Variants in SPTBN2 observed in about 807,000 individuals in gnomAD.
SPTBN2 encodes the protein spectrin beta chain, non-erythrocytic 2.
SPTBN2 carries 107 observed loss-of-function variants against 284.2 expected under a neutral mutation model. The ratio of observed to expected loss-of-function variants is 0.38; its 90% CI spans 0.32 to 0.44. The LOEUF is 0.44. Ranked by LOEUF, SPTBN2 falls within the 20% of genes least tolerant of loss-of-function variation. SPTBN2 has a pLI of 1.00. For missense variants in SPTBN2, 2,569 were observed against 3,287.1 expected, an observed-to-expected ratio of 0.78 and a Z score of 5.34; for synonymous variants, 1,289 against 1,354.8, an observed-to-expected ratio of 0.95 and a Z score of 1.07.
Position 66,693,061 on chromosome 11 carries a change from C to T in SPTBN2, c.4894G>A (p.Val1632Met). 6.2e-7 allele frequency: 1 copy of T among 1,614,074 alleles called. No homozygotes were observed. Among genetic ancestry groups the T allele is most frequent in the Non-Finnish European group, 8.5e-7 (1 of 1,180,032 alleles). The change falls in exon 25 of 38, where the codon GTG becomes ATG. Residue 1632 changes from valine to methionine, a missense_variant. Coordinates refer to ENST00000533211, the MANE Select transcript of SPTBN2 (RefSeq NM_006946.4). This position sits in a 1 kb window ranked among gnomAD's most constrained non-coding sequence, Gnocchi z 5.7. ...SAQAEVKKHQ[V>M]LEQALADYAQ... ...TAGTCGGCCAGGGCTTGCTCCAGCA[C>T]CTGGTGCTTCTTCACCTCTGCCTGG...
intron 8 of SPTBN2, among the ~76,000 whole-genome samples, chr11:66,712,356 G>A (rs939292316): frequency 2.6e-5 from 4 of 152,216 alleles, no homozygotes; most frequent in African/African-American, 4.8e-5. Context: ...AGACCAGCCT[G>A]ACCAACATGG....
At position 66,688,227 on chromosome 11, in the gene SPTBN2, T is replaced by C. The variant is rs765304605; in HGVS notation, c.6316A>G (p.Ser2106Gly). ...KQPPAPEPTA[S>G]VPPGDLVGGQ... is the part of the protein sequence containing the mutation. ...CCCACCAGGTCCCCTGGAGGCACAC[T>C]GGCTGTGGGTTCGGGAGCAGGCGGC... is the stretch of plus-strand genomic sequence containing the variant. The change falls in exon 32 of 38, where the codon AGT (serine) becomes GGT (glycine). Residue 2106 changes from serine (S) to glycine (G), a missense_variant. By Grantham distance (56) the Ser-to-Gly change is moderately conservative. This residue lies in a region of SPTBN2 where 1,130 missense variants were observed against 1,317.3 expected (regional missense o/e 0.86). Coordinates refer to ENST00000533211, the MANE Select transcript of SPTBN2 (RefSeq NM_006946.4). The C allele has an allele frequency of 6.2e-7, 1 of 1,613,674 alleles. No homozygotes were observed. The highest frequency in any genetic ancestry group is 1.1e-5 in the South Asian group (1 of 91,088).
At chr11:66,703,503 C>T (rs1324839862) in intron 15 of SPTBN2, among the ~76,000 whole-genome samples, 2 of 152,036 alleles carry the variant, frequency 1.3e-5, no homozygotes, top group Non-Finnish European at 2.9e-5. Flanking sequence ...GAGGCCAAGC[C>T]GGGTGGATCA....
rs922547110 is a variant in SPTBN2 at position 66,687,727 on chromosome 11, A to T, written c.6502-80T>A. On this transcript the variant is annotated intron_variant, in intron 34 of 37. Coordinates refer to ENST00000533211, the MANE Select transcript of SPTBN2 (RefSeq NM_006946.4). The surrounding 1 kb of genome is among the most constrained non-coding windows in gnomAD (Gnocchi z 5.2). ...GGTGCCAGGAAGCTCCGTGTCCAGG[A>T]GTTGGTCTTCCTGCCCCCAAGCTGC... 1.1e-5 allele frequency: 17 copies of T among 1,581,438 alleles called. No homozygotes were observed. In the African/African-American group the frequency reaches 2.0e-4, roughly 19 times the overall value.
intron 3 of SPTBN2, among the ~76,000 whole-genome samples, chr11:66,719,860 C>T (rs753299714): frequency 7.9e-5 from 12 of 152,182 alleles, no homozygotes; most frequent in Non-Finnish European, 1.8e-4. Context: ...TAACCCACAC[C>T]TTCTGTCTTC....
Position 66,715,251 on chromosome 11 carries a change from G to A in SPTBN2, c.454C>T (p.Leu152=). 1 of 1,614,226 alleles carries A rather than the reference G, an allele frequency of 6.2e-7. No individual in the cohort carries two copies. The highest frequency in any genetic ancestry group is 8.5e-7 in the Non-Finnish European group (1 of 1,180,044). The part of the protein sequence containing the change: ...VDGNHRLTLG[L]VWTIILRFQI... ...AATCGAAGGATGATGGTCCAGACCA[G>A]CCCAAGGGTCAGTCGGTGGTTTCCG... is the stretch of plus-strand genomic sequence containing the variant. The change falls in exon 5 of 38, where the codon CTG becomes TTG. Residue 152 remains leucine (L), a synonymous_variant. Transcript: ENST00000533211. The surrounding 1 kb of genome is among the most constrained non-coding windows in gnomAD (Gnocchi z 5.3).
In SPTBN2 at chr11:66,715,695, G is replaced by T; in HGVS notation, c.309+135C>A. 2 of 1,271,470 alleles carry T rather than the reference G, an allele frequency of 1.6e-6. No homozygotes were observed. The highest frequency in any genetic ancestry group is 2.2e-6 in the Non-Finnish European group (2 of 903,014). 78.8% of individuals were successfully genotyped at this position (1,271,470 alleles called of 1,614,324 possible). ...TCTAAGTGGCAAAGGCACTTGAAATGAACCCATCCTCTGAGCAGAGGGAGC... is the reference window on the plus strand; with the variant it reads ...TCTAAGTGGCAAAGGCACTTGAAATTAACCCATCCTCTGAGCAGAGGGAGC... On this transcript the variant is annotated intron_variant, in intron 4 of 37. Coordinates refer to ENST00000533211, the MANE Select transcript of SPTBN2 (RefSeq NM_006946.4). The surrounding 1 kb of genome is among the most constrained non-coding windows in gnomAD (Gnocchi z 5.3).
upstream of SPTBN2, among the ~76,000 whole-genome samples, chr11:66,729,715 T>C (rs1942768619): frequency 6.6e-6 from 1 of 152,172 alleles, no homozygotes; most frequent in Non-Finnish European, 1.5e-5. Flanking sequence ...TGAAGTTCTC[T>C]CCTAGCTCTG....
Position 66,700,755 on chromosome 11 carries a change from T to C in SPTBN2, c.3344A>G (p.Glu1115Gly). The change falls in exon 17 of 38, where the codon GAG becomes GGG. Residue 1115 changes from glutamate to glycine, a missense_variant. By Grantham distance (98) the Glu-to-Gly change is moderately conservative. Around this residue, in one of 6 missense-constraint regions of SPTBN2, gnomAD observed 1,012 missense variants for 1,248.9 expected, o/e 0.81. Transcript: ENST00000533211. This position sits in a 1 kb window ranked among gnomAD's most constrained non-coding sequence, Gnocchi z 6.6. ...AQHAALRGEV[E>G]RAQSEYSRLR... ...CCGGCTATACTCGCTCTGGGCCCGC[T>C]CCACCTCTCCCCGCAGGGCTGCATG... 1.2e-6 allele frequency: 2 copies of C among 1,602,570 alleles called. No individual in the cohort carries two copies. Among genetic ancestry groups the C allele is most frequent in the Non-Finnish European group, 1.7e-6 (2 of 1,179,792 alleles).
intron 1 of SPTBN2, among the ~76,000 whole-genome samples, chr11:66,727,174 G>A (rs138549284): frequency 6.4e-4 from 97 of 152,136 alleles, no homozygotes; most frequent in Non-Finnish European, 1.0e-3. Context: ...TCTTCTCCTC[G>A]GCCAATCCTT....
intron 18 of SPTBN2, 141 bp from the exon 19 acceptor site, chr11:66,699,223 C>T (rs1310766970): frequency 2.3e-6 from 3 of 1,304,016 alleles, no homozygotes; most frequent in Non-Finnish European, 3.3e-6. Context: ...ATCCTGACTT[C>T]CTTTTAGCCC....
chr11:66,722,322 C>T (rs971494781), intron 1 of SPTBN2, among the ~76,000 whole-genome samples: 1 of 152,100 alleles, frequency 6.6e-6, no homozygotes, highest in Non-Finnish European at 1.5e-5. Context: ...CGCCTGTAAT[C>T]CCAGCACTTT....
Position 66,700,426 on chromosome 11 carries a change from T to C in SPTBN2, c.3573+100A>G. ...AGGTGTGAACCACTGCGCTGCCCCA[T>C]TTTGCTAGCATGTCCTTCCTGCCCA... On this transcript the variant is annotated intron_variant, in intron 17 of 37. Transcript: ENST00000533211. This position sits in a 1 kb window ranked among gnomAD's most constrained non-coding sequence, Gnocchi z 6.6. 2 of 1,546,302 alleles carry C rather than the reference T, an allele frequency of 1.3e-6. No homozygotes were observed. The highest frequency in any genetic ancestry group is 1.1e-5 in the South Asian group (1 of 88,474).
Position 66,693,189 on chromosome 11 carries a change from G to A in SPTBN2, c.4851C>T (p.Ala1617=). The A allele has an allele frequency of 6.2e-7, 1 of 1,614,226 alleles. No homozygotes were observed. The highest frequency in any genetic ancestry group is 1.3e-5 in the African/African-American group (1 of 75,062). ...QELHMMGQEK[A]KDELSAQAEV... The stretch of plus-strand genomic sequence containing the variant: ...TGGGCTCTGTCCTGGCCCTCACCTT[G>A]GCCTTCTCCTGGCCCATCATGTGTA... The change falls in exon 24 of 38, where the codon GCC becomes GCT. Residue 1617 remains alanine, a synonymous_variant. Transcript: ENST00000533211. This position sits in a 1 kb window ranked among gnomAD's most constrained non-coding sequence, Gnocchi z 5.7.
At position 66,700,389 on chromosome 11, in the gene SPTBN2, T is replaced by A; in HGVS notation, c.3573+137A>T. ...ATCCTCCTACTTTGGCCTCCCAAAG[T>A]GCTGGAATTTCAGGTGTGAACCACT... On this transcript the variant is annotated intron_variant, in intron 17 of 37. Coordinates refer to ENST00000533211, the MANE Select transcript of SPTBN2 (RefSeq NM_006946.4). The surrounding 1 kb of genome is among the most constrained non-coding windows in gnomAD (Gnocchi z 6.6). 1 of 1,272,462 alleles carries A rather than the reference T, an allele frequency of 7.9e-7. No individual in the cohort carries two copies. Among genetic ancestry groups the A allele is most frequent in the Non-Finnish European group, 1.1e-6 (1 of 904,308 alleles). The allele number at this position is 1,272,462 out of a possible 1,614,324, so 78.8% of individuals were successfully genotyped here.
chr11:66,686,804 T>C, intron 36 of SPTBN2, 190 bp downstream of exon 36: 1 of 767,768 alleles, frequency 1.3e-6, no homozygotes, highest in East Asian at 2.6e-5. Context: ...GTCTTGGTTC[T>C]CCTGCTCCCC....
chr11:66,722,255 T>C (rs1009049631), intron 1 of SPTBN2, among the ~76,000 whole-genome samples: 1 of 151,934 alleles, frequency 6.6e-6, no homozygotes, highest in Non-Finnish European at 1.5e-5. Context: ...GTTGTCCCCA[T>C]TTCATAGATG....
At position 66,691,681 on chromosome 11, in the gene SPTBN2, A is replaced by G. The variant is rs1565116665; in HGVS notation, c.5191-23T>C. The G allele has an allele frequency of 6.2e-7, 1 of 1,613,124 alleles. No homozygotes were observed. The highest frequency in any genetic ancestry group is 8.5e-7 in the Non-Finnish European group (1 of 1,180,024). The stretch of plus-strand genomic sequence containing the variant: ...CATCTGGTAGAGGAAGCAGATGGAC[A>G]GACCATGCCGTGATGTTAGGGGATG... On this transcript the variant is annotated intron_variant, in intron 26 of 37. Transcript: ENST00000533211. The surrounding 1 kb of genome is among the most constrained non-coding windows in gnomAD (Gnocchi z 8.0).
intron 1 of SPTBN2, among the ~76,000 whole-genome samples, chr11:66,727,374 C>T (rs1324302781): frequency 6.6e-6 from 1 of 152,194 alleles, no homozygotes; most frequent in African/African-American, 2.4e-5. Flanking sequence ...CGACATGTAG[C>T]AGGTTAAGAC....
Sources: allele counts gnomAD v4.1 joint callset (sites outside exome capture counted in the v4.1 genomes callset), GRCh38; gene constraint gnomAD v4.1.1; regional missense constraint gnomAD v4.1.1; non-coding constraint Gnocchi (gnomAD v3.1); transcripts MANE v1.5; gene names NCBI Gene and HGNC (gene_info 2026-07-23, HGNC 2026-07-21).